DNHD1: variants seen among roughly 807,000 people sequenced by gnomAD.
DNHD1 encodes dynein heavy chain domain-containing protein 1.
Under a neutral mutation model 458.1 loss-of-function variants are expected in DNHD1, and 383 were observed. The ratio of observed to expected loss-of-function variants is 0.84; its 90% CI spans 0.77 to 0.91. The LOEUF is 0.91. Ranked by LOEUF, DNHD1 falls within the 40% of genes least tolerant of loss-of-function variation. The pLI is 0.00. For synonymous variants in DNHD1, 2,203 were observed against 2,376.9 expected (o/e 0.93, Z 2.13); for missense variants, 5,336 against 5,866.1 (o/e 0.91, Z 2.95).
In DNHD1 at chr11:6,513,314, G is replaced by A. The variant is rs80198758; in HGVS notation, c.1392+1885G>A. Among the ~76,000 whole-genome samples the A allele has an allele frequency of 3.1e-3, 465 of 152,186 alleles. 4 individuals carry two copies. The highest frequency in any genetic ancestry group is 0.011 in the African/African-American group (447 of 41,494). On this transcript the variant is annotated intron_variant, in intron 7 of 42. Transcript: ENST00000254579. Reference sequence around the variant, plus strand: ...TGTATTGCTATATATTTGTATACCTGGATCACGATAGAGAACATTTCCAGC... The same window carrying A: ...TGTATTGCTATATATTTGTATACCTAGATCACGATAGAGAACATTTCCAGC...
Position 6,571,670 on chromosome 11 carries a change from G to A in DNHD1, c.13946G>A (p.Arg4649Lys), listed in dbSNP as rs776224055. The A allele has an allele frequency of 5.4e-5, 87 of 1,606,522 alleles. No individual in the cohort carries two copies. The highest frequency in any genetic ancestry group is 6.9e-5 in the Non-Finnish European group (81 of 1,176,304). ...ENGPNPTVPE[R>K]GLLLIGLQVL... is the part of the protein sequence containing the mutation. ...GGTCCAAATCCCACGGTTCCAGAGA[G>A]AGGGCTGCTGCTGATCGGGCTACAG... The change falls in exon 43 of 43, where the codon AGA (arginine) becomes AAA (lysine). Residue 4649 changes from arginine (R) to lysine (K), a missense_variant. Arg to Lys is a conservative substitution (Grantham distance 26, BLOSUM62 2). Around this residue, in one of 4 missense-constraint regions of DNHD1, gnomAD observed 698 missense variants for 664.9 expected, o/e 1.05. Transcript: ENST00000254579. This position sits in a 1 kb window ranked among gnomAD's most constrained non-coding sequence, Gnocchi z 5.0.
intron 10 of DNHD1, among the ~76,000 whole-genome samples, chr11:6,523,166 G>C (rs1163189365): frequency 6.6e-6 from 1 of 152,228 alleles, no homozygotes; most frequent in Admixed American, 6.5e-5. Context: ...ACACTGAAAA[G>C]AGACAAAGGA....
Position 6,564,329 on chromosome 11 carries a change from C to G in DNHD1, c.10285-4C>G, listed in dbSNP as rs555717002. On this transcript the variant is annotated splice_region_variant and splice_polypyrimidine_tract_variant and intron_variant, in intron 31 of 42. Transcript: ENST00000254579. ...ACAGCCTCTGGTCTTCCCTTCCACT[C>G]CAGAAGCTGAAGGGACGCTGCATGA... 1 of 1,526,930 alleles carries G rather than the reference C, an allele frequency of 6.5e-7. No homozygotes were observed. Among genetic ancestry groups the G allele is most frequent in the Non-Finnish European group, 8.8e-7 (1 of 1,131,550 alleles). The allele number at this position is 1,526,930 out of a possible 1,614,324, so 94.6% of individuals were successfully genotyped here. A position where few individuals can be genotyped will look rare whatever the true frequency, so the allele number is the denominator to read the frequency against.
chr11:6,518,475 G>T (rs887913186), intron 7 of DNHD1, among the ~76,000 whole-genome samples: 1 of 152,160 alleles, frequency 6.6e-6, no homozygotes, highest in Non-Finnish European at 1.5e-5. Context: ...CGTTGGTATG[G>T]TTTTATCCTA....
chr11:6,520,468 T>C, intron 10 of DNHD1, 179 bp downstream of exon 10: 1 of 1,444,810 alleles, frequency 6.9e-7, no homozygotes, highest in East Asian at 2.5e-5. Context: ...TCAGGGAATG[T>C]TTTTGCTCAC....
Position 6,564,093 on chromosome 11 carries a change from C to G in DNHD1, c.10253C>G (p.Thr3418Arg). The G allele has an allele frequency of 6.4e-7, 1 of 1,551,486 alleles. No individual in the cohort carries two copies. Among genetic ancestry groups the G allele is most frequent in the Non-Finnish European group, 8.7e-7 (1 of 1,146,942 alleles). Reference sequence around the variant, plus strand: ...TGGCCCATGAAGGCTGCACTGCTCACGCCTATGCGTGCCTGGACTACACAG... The same window carrying G: ...TGGCCCATGAAGGCTGCACTGCTCAGGCCTATGCGTGCCTGGACTACACAG... ...HKWPMKAALL[T>R]PMRAWTTQLQ... The change falls in exon 31 of 43, where the codon ACG becomes AGG. Residue 3418 changes from threonine (T) to arginine (R), a missense_variant. Coordinates refer to ENST00000254579, the MANE Select transcript of DNHD1 (RefSeq NM_144666.3).
At chr11:6,511,511 C>T in intron 7 of DNHD1, 82 bp downstream of exon 7, 1 of 1,545,390 alleles carries the variant, frequency 6.5e-7, no homozygotes, top group Non-Finnish European at 8.8e-7. Context: ...TTAAGTTTCT[C>T]CTGGAATCCA....
At chr11:6,517,383 A>G (rs1267363194) in intron 7 of DNHD1, among the ~76,000 whole-genome samples, 1 of 152,242 alleles carries the variant, frequency 6.6e-6, no homozygotes, top group East Asian at 1.9e-4. Flanking sequence ...CCCAAAGGAA[A>G]TGAAATCAGT....
At position 6,565,794 on chromosome 11, in the gene DNHD1, A is replaced by G. The variant is rs752190736; in HGVS notation, c.10856A>G (p.Lys3619Arg). The change falls in exon 33 of 43, where the codon AAA becomes AGA. Residue 3619 changes from lysine (K) to arginine (R), a missense_variant. Lys to Arg is a conservative substitution (Grantham distance 26). Coordinates refer to ENST00000254579, the MANE Select transcript of DNHD1 (RefSeq NM_144666.3). Reference protein sequence around the residue: ...EESNEAEDQTKEQKAEERKNE... With the variant: ...EESNEAEDQTREQKAEERKNE... ...AGTAATGAGGCTGAGGACCAGACAA[A>G]AGAGCAGAAGGCAGAGGAAAGAAAA... is the stretch of plus-strand genomic sequence containing the variant. 17 of 1,551,616 alleles carry G rather than the reference A, an allele frequency of 1.1e-5. No homozygotes were observed. The highest frequency in any genetic ancestry group is 5.9e-5 in the Admixed American group (3 of 50,988).
intron 14 of DNHD1, 113 bp from the exon 15 acceptor site, chr11:6,538,270 C>T (rs990621410): frequency 3.2e-5 from 28 of 875,974 alleles, no homozygotes; most frequent in Middle Eastern, 6.8e-4. Context: ...CCACCCCCAA[C>T]CATCACTTTC....
chr11:6,564,722 C>G lies in DNHD1; in HGVS notation c.10674C>G (p.Pro3558=). 1 of 1,550,170 alleles carries G rather than the reference C, an allele frequency of 6.5e-7. No individual in the cohort carries two copies. Among genetic ancestry groups the G allele is most frequent in the African/African-American group, 1.4e-5 (1 of 73,136 alleles). Residue 3558 remains proline (P), a synonymous_variant, in exon 32 of 43, where the codon CCC becomes CCG. Transcript: ENST00000254579. ...SSCRWPLLLD[P]SNEALIWLDP... Reference sequence around the variant, plus strand: ...GCCGTTGGCCTCTGCTGCTTGACCCCAGCAACGAGGCCCTCATCTGGTTGG... The same window carrying G: ...GCCGTTGGCCTCTGCTGCTTGACCCGAGCAACGAGGCCCTCATCTGGTTGG...
At chr11:6,526,672 C>T (rs541618516) in intron 10 of DNHD1, among the ~76,000 whole-genome samples, 231 of 152,292 alleles carry the variant, frequency 1.5e-3, no homozygotes, top group Middle Eastern at 3.4e-3. Context: ...CTAGACTTTT[C>T]CTTTTTCTCT....
Position 6,558,259 on chromosome 11 carries a change from T to C in DNHD1, c.8964T>C (p.Gly2988=). The C allele has an allele frequency of 6.4e-7, 1 of 1,551,574 alleles. No homozygotes were observed. Among genetic ancestry groups the C allele is most frequent in the Non-Finnish European group, 8.7e-7 (1 of 1,146,950 alleles). The change falls in exon 25 of 43, where the codon GGT becomes GGC. Residue 2988 remains glycine (G), a synonymous_variant. Transcript: ENST00000254579. ...IGEHLPRENL[G]VKQNIKKEMV... is the part of the protein sequence containing the mutation. ...AACACCTCCCCAGGGAGAACCTTGG[T>C]GTCAAACAGAACATCAAGAAGGAAA...
rs370883558 is a variant in DNHD1 at position 6,567,133 on chromosome 11, G to T, written c.11624G>T (p.Cys3875Phe). The T allele has an allele frequency of 1.9e-6, 3 of 1,614,044 alleles. No individual in the cohort carries two copies. The highest frequency in any genetic ancestry group is 1.1e-5 in the South Asian group (1 of 91,080). Residue 3875 changes from cysteine (C) to phenylalanine (F), a missense_variant, in exon 36 of 43, where the codon TGT becomes TTT. Cys to Phe is a radical substitution (Grantham distance 205, BLOSUM62 -2). Around this residue, in one of 4 missense-constraint regions of DNHD1, gnomAD observed 695 missense variants for 804.2 expected, o/e 0.86. Coordinates refer to ENST00000254579, the MANE Select transcript of DNHD1 (RefSeq NM_144666.3). ...CTGCAGAACCTGCTGCCACTTTTCT[G>T]TATGAGCCCAGAGAACTGGCTGGCA... ...SQLQNLLPLF[C>F]MSPENWLAVT...
At chr11:6,515,155 C>T (rs1852434849) in intron 7 of DNHD1, among the ~76,000 whole-genome samples, 1 of 152,192 alleles carries the variant, frequency 6.6e-6, no homozygotes. Context: ...AATTAAGTTT[C>T]CAACACATTA....
intron 7 of DNHD1, among the ~76,000 whole-genome samples, chr11:6,516,423 G>A (rs1248077683): frequency 3.3e-5 from 5 of 150,394 alleles, no homozygotes; most frequent in African/African-American, 7.4e-5. Flanking sequence ...TCAGCCTCCC[G>A]AGTAGCTAGG....
Position 6,545,193 on chromosome 11 carries a change from G to C in DNHD1, c.4254G>C (p.Gln1418His). 1 of 1,551,986 alleles carries C rather than the reference G, an allele frequency of 6.4e-7. No homozygotes were observed. The highest frequency in any genetic ancestry group is 1.2e-5 in the South Asian group (1 of 84,064). ...DWESSPNTQT[Q>H]VEALAVLGAG... ...AGTCAAGCCCAAACACACAGACTCA[G>C]GTGGAGGCACTTGCAGTGCTAGGGG... Residue 1418 changes from glutamine to histidine, a missense_variant, in exon 21 of 43, where the codon CAG becomes CAC. This residue lies in a region of DNHD1 where 3,932 missense variants were observed against 4,365.6 expected (regional missense o/e 0.90). Coordinates refer to ENST00000254579, the MANE Select transcript of DNHD1 (RefSeq NM_144666.3). This position sits in a 1 kb window ranked among gnomAD's most constrained non-coding sequence, Gnocchi z 4.9.
intron 35 of DNHD1, 56 bp from the exon 36 acceptor site, chr11:6,566,839 G>A: frequency 1.3e-6 from 2 of 1,599,500 alleles, no homozygotes; most frequent in Non-Finnish European, 8.5e-7. Context: ...GATGAATGTA[G>A]ATGTTTGGGG....
Position 6,502,942 on chromosome 11 carries a change from C to T in DNHD1, c.920+16C>T, listed in dbSNP as rs765706967. The stretch of plus-strand genomic sequence containing the variant: ...GGTACTTTAGGTGATAGCCTATGTC[C>T]AGGCCCCTTCTCCTCCCCCTGCCTG... On this transcript the variant is annotated intron_variant, in intron 4 of 42. Coordinates refer to ENST00000254579, the MANE Select transcript of DNHD1 (RefSeq NM_144666.3). 2 of 1,609,378 alleles carry T rather than the reference C, an allele frequency of 1.2e-6. No individual in the cohort carries two copies. The highest frequency in any genetic ancestry group is 1.7e-5 in the Admixed American group (1 of 58,742).
Sources: allele counts gnomAD v4.1 joint callset (sites outside exome capture counted in the v4.1 genomes callset), GRCh38; gene constraint gnomAD v4.1.1; regional missense constraint gnomAD v4.1.1; non-coding constraint Gnocchi (gnomAD v3.1); transcripts MANE v1.5; gene names NCBI Gene and HGNC (gene_info 2026-07-23, HGNC 2026-07-21).